CTTNBP2: variants seen among roughly 807,000 people sequenced by gnomAD.
CTTNBP2 encodes cortactin binding protein 2.
A neutral mutation model predicts 156.9 loss-of-function variants in CTTNBP2; 108 were observed. The ratio of observed to expected loss-of-function variants is 0.69; its 90% CI spans 0.59 to 0.81. The LOEUF (loss-of-function observed/expected upper bound fraction) is 0.81. Ranked by LOEUF, CTTNBP2 falls within the 30% of genes least tolerant of loss-of-function variation. The pLI, the probability that CTTNBP2 is intolerant of heterozygous loss-of-function variation, is 0.00. For missense variants in CTTNBP2, 1,924 were observed against 2,035.4 expected (o/e 0.95, Z 1.05); for synonymous variants, 767 against 751.8 (o/e 1.02, Z -0.33).
At chr7:117,837,272 C>T (rs200037760) in intron 2 of CTTNBP2, among the ~76,000 whole-genome samples, 1 of 152,200 alleles carries the variant, frequency 6.6e-6, no homozygotes, top group Non-Finnish European at 1.5e-5. Context: ...GTAACAACAA[C>T]AAAACCACCA....
chr7:117,830,165 A>G (rs1801513970), intron 2 of CTTNBP2, among the ~76,000 whole-genome samples: 1 of 152,232 alleles, frequency 6.6e-6, no homozygotes, highest in Non-Finnish European at 1.5e-5. Flanking sequence ...CAACAGTCTT[A>G]ATTTTATTTC....
intron 3 of CTTNBP2, among the ~76,000 whole-genome samples, chr7:117,795,382 T>G (rs1261850645): frequency 6.6e-6 from 1 of 152,130 alleles, no homozygotes; most frequent in Non-Finnish European, 1.5e-5. Context: ...AAAAAAAAAT[T>G]CTTACAGCAA....
chr7:117,856,965 T>C lies in CTTNBP2; in HGVS notation c.189+4244A>G, dbSNP rs574876098. 6.8e-4 allele frequency among the ~76,000 whole-genome samples: 103 copies of C among 152,322 alleles called. 1 individual carries two copies. Among genetic ancestry groups the C allele is most frequent in the African/African-American group, 2.4e-3 (98 of 41,576 alleles). ...CAGAAGACTCCACAAAGTTAATTAA[T>C]CTTGAATCACGGATTTCTGTATAAA... is the stretch of plus-strand genomic sequence containing the variant. On this transcript the variant is annotated intron_variant, in intron 2 of 22. Coordinates refer to ENST00000160373, the MANE Select transcript of CTTNBP2 (RefSeq NM_033427.3).
chr7:117,803,245 C>T (rs1392146418), intron 3 of CTTNBP2, among the ~76,000 whole-genome samples: 1 of 152,142 alleles, frequency 6.6e-6, no homozygotes, highest in Non-Finnish European at 1.5e-5. Context: ...TTTGCAGCAA[C>T]ATGGATGCAG....
intron 2 of CTTNBP2, among the ~76,000 whole-genome samples, chr7:117,860,110 G>GA (rs1803612316): frequency 6.6e-6 from 1 of 151,984 alleles, no homozygotes; most frequent in South Asian, 2.1e-4. Flanking sequence ...AAGGTTTGAG[G>GA]AAACAATTCC....
chr7:117,721,104 G>A lies in CTTNBP2; in HGVS notation c.4474C>T (p.Leu1492=). 1 of 1,604,846 alleles carries A rather than the reference G, an allele frequency of 6.2e-7. No individual in the cohort carries two copies. Among genetic ancestry groups the A allele is most frequent in the Non-Finnish European group, 8.5e-7 (1 of 1,171,610 alleles). The stretch of plus-strand genomic sequence containing the variant: ...AGAGAAGCATTCCTGTTACAATTCA[G>A]CTGTGATATAGTCTTATTTTTCATA... ...EGMKNKTISQ[L]NCNRNASLSK... The change falls in exon 20 of 23, where the codon CTG becomes TTG. Residue 1492 remains leucine, a synonymous_variant. Transcript: ENST00000160373.
chr7:117,719,486 C>A lies in CTTNBP2; in HGVS notation c.4644+18G>T. The A allele has an allele frequency of 1.3e-6, 2 of 1,599,818 alleles. No homozygotes were observed. Among genetic ancestry groups the A allele is most frequent in the Non-Finnish European group, 8.5e-7 (1 of 1,171,150 alleles). Reference sequence around the variant, plus strand: ...TGTTGAGTAGAGCCATTCAATGCCCCCCATTTGTACTGCTCACCTTGCTGA... The same window carrying A: ...TGTTGAGTAGAGCCATTCAATGCCCACCATTTGTACTGCTCACCTTGCTGA... On this transcript the variant is annotated intron_variant, in intron 21 of 22. Transcript: ENST00000160373.
intron 3 of CTTNBP2, chr7:117,793,633 T>A (rs1799159019): frequency 2.0e-5 from 3 of 152,192 alleles, no homozygotes; most frequent in African/African-American, 7.2e-5. Context: ...CCTCTCTCCC[T>A]TCCTTGGATT....
chr7:117,783,095 G>T, intron 5 of CTTNBP2, 134 bp from the exon 6 acceptor site: 1 of 597,300 alleles, frequency 1.7e-6, no homozygotes, highest in Non-Finnish European at 2.9e-6. Context: ...ATTCCATCAT[G>T]GCAGACCTGA....
chr7:117,782,408 G>T (rs1172253376), intron 6 of CTTNBP2, among the ~76,000 whole-genome samples: 3 of 152,020 alleles, frequency 2.0e-5, no homozygotes, highest in African/African-American at 2.4e-5. Flanking sequence ...GTTTTAAATG[G>T]TAAAACAAGA....
At chr7:117,838,555 G>A (rs1171915900) in intron 2 of CTTNBP2, among the ~76,000 whole-genome samples, 4 of 151,956 alleles carry the variant, frequency 2.6e-5, no homozygotes, top group Non-Finnish European at 4.4e-5. Flanking sequence ...TTAATCACAG[G>A]ACTAATCTGT....
At chr7:117,746,428 A>G (rs1183762491) in intron 12 of CTTNBP2, among the ~76,000 whole-genome samples, 1 of 152,112 alleles carries the variant, frequency 6.6e-6, no homozygotes, top group Non-Finnish European at 1.5e-5. Flanking sequence ...TTTCTATATT[A>G]TCCTTTGCAG....
chr7:117,815,562 G>A (rs1800528800), intron 2 of CTTNBP2, among the ~76,000 whole-genome samples: 1 of 152,096 alleles, frequency 6.6e-6, no homozygotes, highest in Admixed American at 6.6e-5. Context: ...TCGGTGACTT[G>A]GAAATTTCAA....
rs755999700 is a variant in CTTNBP2, at chr7:117,780,592, C to T, written c.2373-1G>A. 6.4e-7 allele frequency: 1 copy of T among 1,561,562 alleles called. No homozygotes were observed. Among genetic ancestry groups the T allele is most frequent in the Non-Finnish European group, 8.7e-7 (1 of 1,155,950 alleles). ...ATATGAAATTAATAATTCTACACAC[C>T]TAAACACAAGATTAGGATTAATTAC... On this transcript the variant is annotated splice_acceptor_variant, in intron 6 of 22. Transcript: ENST00000160373. LOFTEE classifies it high-confidence loss of function.
chr7:117,767,205 A>C (rs752393822), intron 8 of CTTNBP2, 29 bp from the exon 9 acceptor site: 5 of 1,222,256 alleles, frequency 4.1e-6, no homozygotes, highest in South Asian at 1.2e-5. Context: ...TATTACCTCC[A>C]AGTCCAAATG....
chr7:117,788,984 T>A (rs554692975), intron 4 of CTTNBP2, among the ~76,000 whole-genome samples: 1 of 101,146 alleles, frequency 9.9e-6, no homozygotes, highest in South Asian at 2.4e-4. Context: ...GTCGCTGGTA[T>A]TTTTTTTGGT....
chr7:117,801,594 C>A (rs1015510014), intron 3 of CTTNBP2, among the ~76,000 whole-genome samples: 2 of 152,154 alleles, frequency 1.3e-5, no homozygotes, highest in African/African-American at 4.8e-5. Context: ...TAAATTTCCT[C>A]ATTTTAAAAA....
intron 2 of CTTNBP2, among the ~76,000 whole-genome samples, chr7:117,811,297 C>T (rs964964625): frequency 2.0e-5 from 3 of 152,004 alleles, no homozygotes; most frequent in Admixed American, 2.0e-4. Context: ...TCTTTTTTTA[C>T]ACCCCCACCC....
At chr7:117,724,448 C>A in intron 19 of CTTNBP2, 99 bp downstream of exon 19, 1 of 1,030,654 alleles carries the variant, frequency 9.7e-7, no homozygotes. Flanking sequence ...TTTGTTTTAC[C>A]AAATGCATCG....
Sources: gnomAD v4.1 joint callset for allele counts (sites outside exome capture counted in the v4.1 genomes callset) on GRCh38, gnomAD v4.1.1 for gene constraint, MANE v1.5 for transcripts, NCBI Gene and HGNC (gene_info 2026-07-23, HGNC 2026-07-21) for gene names.